Variants in BRINP1 observed in about 807,000 individuals in gnomAD.
The protein encoded by BRINP1 is BMP/retinoic acid-inducible neural-specific protein 1.
A neutral mutation model predicts 72.9 loss-of-function variants in BRINP1; 17 were observed. The ratio of observed to expected loss-of-function variants is 0.23; its 90% CI spans 0.16 to 0.35. The LOEUF (loss-of-function observed/expected upper bound fraction) is 0.35, where lower values mean the gene tolerates loss of function less well. Among genes scored for constraint, BRINP1 ranks in the 10% least tolerant of loss-of-function variants. The pLI, the probability that BRINP1 is intolerant of heterozygous loss-of-function variation, is 1.00. For synonymous variants in BRINP1, 418 were observed against 378.5 expected, an observed-to-expected ratio of 1.10 and a Z score of -1.21; for missense variants, 850 against 1,001.6, an observed-to-expected ratio of 0.85 and a Z score of 2.04.
At chr9:119,208,056 C>CT (rs1457381962) in intron 7 of BRINP1, among the ~76,000 whole-genome samples, 1 of 152,128 alleles carries the variant, frequency 6.6e-6, no homozygotes, top group Non-Finnish European at 1.5e-5. Flanking sequence ...GAGTAGTAAA[C>CT]CCTAATTCTA....
At chr9:119,283,799 T>C (rs565003540) in intron 2 of BRINP1, among the ~76,000 whole-genome samples, 3 of 152,284 alleles carry the variant, frequency 2.0e-5, no homozygotes, top group East Asian at 3.9e-4. Flanking sequence ...TCCTAAAGTG[T>C]TGGGATTACA....
chr9:119,309,358 T>C (rs1231372758), intron 2 of BRINP1, among the ~76,000 whole-genome samples: 1 of 152,146 alleles, frequency 6.6e-6, no homozygotes, highest in Non-Finnish European at 1.5e-5. Flanking sequence ...TAAGGGCCCA[T>C]GTTCGGAAGT....
rs544957134 is a variant in BRINP1, at chr9:119,332,264, C to T, written c.-50-18859G>A. 1.1e-3 allele frequency among the ~76,000 whole-genome samples: 167 copies of T among 152,110 alleles called. 1 individual carries two copies. Among genetic ancestry groups the T allele is most frequent in the African/African-American group, 3.8e-3 (159 of 41,490 alleles). ...TTCTAGCTACCATTTTTAGTCCTTA[C>T]AATATTAATAATAATTTACTAATGA... On this transcript the variant is annotated intron_variant, in intron 1 of 7. Coordinates refer to ENST00000265922, the MANE Select transcript of BRINP1 (RefSeq NM_014618.3).
At chr9:119,253,626 G>GA (rs773586588) in intron 2 of BRINP1, among the ~76,000 whole-genome samples, 3 of 151,974 alleles carry the variant, frequency 2.0e-5, no homozygotes, top group Non-Finnish European at 2.9e-5. Flanking sequence ...GGAACGAAGG[G>GA]AAAAATAAAA....
chr9:119,263,284 C>A (rs1199486102), intron 2 of BRINP1, among the ~76,000 whole-genome samples: 1 of 152,166 alleles, frequency 6.6e-6, no homozygotes, highest in African/African-American at 2.4e-5. Flanking sequence ...CCAGGTGACT[C>A]TTCTACAGAG....
chr9:119,186,730 C>T (rs1010039013), intron 7 of BRINP1, among the ~76,000 whole-genome samples: 8 of 152,190 alleles, frequency 5.3e-5, no homozygotes, highest in African/African-American at 1.9e-4. Context: ...GAAGTATGCA[C>T]GACTGAGAGG....
intron 1 of BRINP1, among the ~76,000 whole-genome samples, chr9:119,352,708 GATTTAATTT>G (rs2119034084): frequency 6.6e-6 from 1 of 152,236 alleles, no homozygotes; most frequent in Non-Finnish European, 1.5e-5. Context: ...TGCCTGGTCA[GATTTAATTT>G]TTATATTCCA....
intron 7 of BRINP1, among the ~76,000 whole-genome samples, chr9:119,182,784 C>T (rs928887030): frequency 2.0e-5 from 3 of 152,128 alleles, no homozygotes; most frequent in African/African-American, 7.2e-5. Context: ...CCTGAACAGA[C>T]TAAGATAATA....
intron 2 of BRINP1, among the ~76,000 whole-genome samples, chr9:119,272,961 C>T (rs1830622899): frequency 6.6e-6 from 1 of 152,140 alleles, no homozygotes; most frequent in South Asian, 2.1e-4. Flanking sequence ...ACATAGAATT[C>T]CTGCAGAGCC....
chr9:119,247,969 C>T (rs1172210935), intron 3 of BRINP1, among the ~76,000 whole-genome samples: 9 of 152,172 alleles, frequency 5.9e-5, no homozygotes, highest in Admixed American at 4.6e-4. Flanking sequence ...TGAATCGGGT[C>T]TTCCTACATT....
chr9:119,172,725 A>G (rs1829430562), intron 7 of BRINP1, among the ~76,000 whole-genome samples: 1 of 152,042 alleles, frequency 6.6e-6, no homozygotes, highest in South Asian at 2.1e-4. Context: ...TGATGCAAAA[A>G]TCCTCAATAA....
rs11791877 is a variant in BRINP1 at position 119,369,328 on chromosome 9, C to G, written c.-323G>C. On this transcript the variant is annotated 5_prime_UTR_variant, in exon 1 of 8. Transcript: ENST00000265922. ...TCTCGCTCTCGCTCTCGCTGTTGCT[C>G]GCTCGCTCTCTCCCTCTCTCGCGGG... 48,259 of 398,662 alleles carry G rather than the reference C, an allele frequency of 0.12. 3,560 individuals are homozygous for G. The highest frequency in any genetic ancestry group is 0.15 in the Non-Finnish European group (34,446 of 226,174). 24.7% of individuals were successfully genotyped at this position (398,662 alleles called of 1,614,324 possible).
chr9:119,177,804 C>T (rs1159435712), intron 7 of BRINP1, among the ~76,000 whole-genome samples: 1 of 152,154 alleles, frequency 6.6e-6, no homozygotes, highest in South Asian at 2.1e-4. Flanking sequence ...GAATTGGGGA[C>T]AGAGGGCCTC....
intron 2 of BRINP1, among the ~76,000 whole-genome samples, chr9:119,257,412 T>C (rs1017440321): frequency 4.6e-5 from 7 of 152,218 alleles, no homozygotes; most frequent in Non-Finnish European, 8.8e-5. Flanking sequence ...ACAGTCTAAA[T>C]ATATAGCTTT....
intron 1 of BRINP1, among the ~76,000 whole-genome samples, chr9:119,356,068 T>C (rs902540261): frequency 6.6e-6 from 1 of 152,168 alleles, no homozygotes; most frequent in African/African-American, 2.4e-5. Context: ...CACAATAATG[T>C]ATCTCTTCTT....
At chr9:119,213,318 C>T (rs1029745138) in intron 6 of BRINP1, among the ~76,000 whole-genome samples, 1 of 152,220 alleles carries the variant, frequency 6.6e-6, no homozygotes, top group Non-Finnish European at 1.5e-5. Flanking sequence ...AGAGATCCTA[C>T]TTCAGACTTC....
chr9:119,240,540 C>T (rs753009811), intron 4 of BRINP1, among the ~76,000 whole-genome samples: 3 of 152,238 alleles, frequency 2.0e-5, no homozygotes, highest in Non-Finnish European at 2.9e-5. Context: ...TCCCATCCAG[C>T]GAGGAGAGAA....
intron 5 of BRINP1, among the ~76,000 whole-genome samples, chr9:119,218,340 T>G (rs945556874): frequency 2.4e-4 from 37 of 151,956 alleles, no homozygotes; most frequent in African/African-American, 8.0e-4. Context: ...GAGTAGGGTT[T>G]CAACATGTTG....
At chr9:119,286,238 C>CA (rs560865852) in intron 2 of BRINP1, among the ~76,000 whole-genome samples, 3 of 147,546 alleles carry the variant, frequency 2.0e-5, no homozygotes, top group African/African-American at 7.5e-5. Flanking sequence ...TATCTTTCAT[C>CA]TTTTTTTTTT....
Sources: gnomAD v4.1 joint callset for allele counts (sites outside exome capture counted in the v4.1 genomes callset) on GRCh38, gnomAD v4.1.1 for gene constraint, MANE v1.5 for transcripts, NCBI Gene and HGNC (gene_info 2026-07-23, HGNC 2026-07-21) for gene names.